KLHDC1: variants seen among roughly 807,000 people sequenced by gnomAD.
The protein encoded by KLHDC1 is kelch domain containing 1, also known as kelch domain-containing protein 1.
In KLHDC1, 53 loss-of-function variants were observed where a neutral mutation model predicts 68.3. That is an observed-to-expected ratio of 0.78 (90% CI 0.62 to 0.98). The LOEUF is 0.98. Ranked by LOEUF, KLHDC1 falls within the 50% of genes least tolerant of loss-of-function variation. The pLI is 0.00. For synonymous variants in KLHDC1, 148 were observed against 159.0 expected (o/e 0.93, Z 0.52); for missense variants, 470 against 492.3 (o/e 0.95, Z 0.43).
intron 11 of KLHDC1, 136 bp downstream of exon 11, chr14:49,740,318 A>G (rs1889029689): frequency 1.7e-6 from 1 of 579,820 alleles, no homozygotes; most frequent in South Asian, 2.2e-5. Flanking sequence ...GGTTTAATTA[A>G]TCTTCAGGAT....
chr14:49,696,720 A>C (rs1209736550), intron 1 of KLHDC1, among the ~76,000 whole-genome samples: 7 of 152,154 alleles, frequency 4.6e-5, no homozygotes, highest in Non-Finnish European at 1.5e-5. Context: ...CTCATTTTTC[A>C]TTAGAATAGC....
At chr14:49,737,277 A>G (rs926193347) in intron 10 of KLHDC1, among the ~76,000 whole-genome samples, 4 of 152,196 alleles carry the variant, frequency 2.6e-5, no homozygotes, top group South Asian at 4.1e-4. Context: ...AGAACTGGGC[A>G]GAGTATTTCC....
At chr14:49,697,685 TTTG>T (rs1227730611) in intron 1 of KLHDC1, among the ~76,000 whole-genome samples, 1 of 152,192 alleles carries the variant, frequency 6.6e-6, no homozygotes, top group African/African-American at 2.4e-5. Context: ...CAAGTTGGTT[TTTG>T]TTGTTGTTTT....
At chr14:49,749,626 C>G (rs1221945134) in intron 12 of KLHDC1, among the ~76,000 whole-genome samples, 2 of 144,698 alleles carry the variant, frequency 1.4e-5, no homozygotes, top group South Asian at 4.3e-4. Flanking sequence ...TGCAGTAAGC[C>G]GAGATCACAT....
intron 12 of KLHDC1, 152 bp from the exon 13 acceptor site, chr14:49,751,434 A>G (rs1191857555): frequency 2.6e-6 from 1 of 381,768 alleles, no homozygotes; most frequent in East Asian, 3.8e-5. Flanking sequence ...AAATATATGT[A>G]CCTACTATGT....
intron 1 of KLHDC1, among the ~76,000 whole-genome samples, chr14:49,697,318 G>A (rs1009368961): frequency 6.6e-6 from 1 of 152,174 alleles, no homozygotes; most frequent in African/African-American, 2.4e-5. Flanking sequence ...TTGGTCAGTG[G>A]AATAGTCTGA....
intron 9 of KLHDC1, 41 bp downstream of exon 9, chr14:49,732,857 C>A: frequency 2.1e-6 from 2 of 969,534 alleles, no homozygotes; most frequent in South Asian, 1.4e-5. Flanking sequence ...TTATCTCATT[C>A]TTTTTTCTTA....
rs34856234 is a variant in KLHDC1 at position 49,699,161 on chromosome 14, CAA to C, written c.96+5891_96+5892del. Reference sequence around the variant, plus strand: ...TCTGGGTGATAGAGCAAGACTGTCTCAAAAAAAAAAAAAAAAAAAAATCACAG... The same window carrying C: ...TCTGGGTGATAGAGCAAGACTGTCTCAAAAAAAAAAAAAAAAAAATCACAG... On this transcript the variant is annotated intron_variant, in intron 1 of 12. Coordinates refer to ENST00000359332, the MANE Select transcript of KLHDC1 (RefSeq NM_172193.3). Among the ~76,000 whole-genome samples the C allele has an allele frequency of 4.9e-3, 524 of 107,768 alleles. 1 individual carries two copies. Among genetic ancestry groups the C allele is most frequent in the African/African-American group, 0.013 (360 of 28,274 alleles). 70.7% of individuals were successfully genotyped at this position (107,768 alleles called of 152,430 possible). A position where few individuals can be genotyped will look rare whatever the true frequency, so the allele number is the denominator to read the frequency against.
intron 1 of KLHDC1, among the ~76,000 whole-genome samples, chr14:49,701,756 G>A (rs1231923443): frequency 2.0e-5 from 3 of 152,116 alleles, no homozygotes; most frequent in South Asian, 2.1e-4. Context: ...AACCAGGGTC[G>A]GGTGTGGTGG....
intron 12 of KLHDC1, among the ~76,000 whole-genome samples, chr14:49,746,492 A>C (rs1310118278): frequency 6.6e-6 from 1 of 152,154 alleles, no homozygotes; most frequent in East Asian, 1.9e-4. Flanking sequence ...AAAAACCAAG[A>C]GAAGGGAGAT....
chr14:49,744,999 C>T (rs1889167047), intron 12 of KLHDC1, among the ~76,000 whole-genome samples: 1 of 151,984 alleles, frequency 6.6e-6, no homozygotes, highest in South Asian at 2.1e-4. Flanking sequence ...GGAAGAAGCC[C>T]CTATTTCTAC....
At chr14:49,709,882 T>G in intron 3 of KLHDC1, 56 bp downstream of exon 3, 1 of 803,754 alleles carries the variant, frequency 1.2e-6, no homozygotes, top group Non-Finnish European at 2.0e-6. Flanking sequence ...ATGCATCATT[T>G]CATCTCACAA....
At chr14:49,720,266 G>A (rs900180457) in intron 4 of KLHDC1, among the ~76,000 whole-genome samples, 35 of 152,232 alleles carry the variant, frequency 2.3e-4, no homozygotes, top group Middle Eastern at 3.4e-3. Context: ...GATTACAGGC[G>A]TGAGCCACAG....
chr14:49,705,365 CTTTTTTTT>C (rs59444333), intron 1 of KLHDC1, among the ~76,000 whole-genome samples: 35 of 71,672 alleles, frequency 4.9e-4, no homozygotes, highest in African/African-American at 1.7e-3. Context: ...TTCTTTCTTT[CTTTTTTTT>C]TTTTTTTTTT....
intron 6 of KLHDC1, among the ~76,000 whole-genome samples, chr14:49,727,919 AATAC>A (rs894228230): frequency 1.4e-4 from 22 of 152,188 alleles, no homozygotes; most frequent in African/African-American, 5.3e-4. Context: ...TTGGAATTAA[AATAC>A]ATACATAAAG....
At chr14:49,744,307 TGTGTGTGTGTG>T (rs1889140603) in intron 12 of KLHDC1, among the ~76,000 whole-genome samples, 4 of 150,566 alleles carry the variant, frequency 2.7e-5, no homozygotes, top group Non-Finnish European at 5.9e-5. Context: ...TGTGTGTGTG[TGTGTGTGTGTG>T]TGTGTGTATG....
chr14:49,704,252 T>C (rs1387310282), intron 1 of KLHDC1, among the ~76,000 whole-genome samples: 4 of 152,168 alleles, frequency 2.6e-5, no homozygotes, highest in African/African-American at 9.7e-5. Flanking sequence ...AAATGCTGGC[T>C]CATGTCTTTT....
Position 49,707,336 on chromosome 14 carries a change from T to C in KLHDC1, c.97-1823T>C, listed in dbSNP as rs1248318916. Reference sequence around the variant, plus strand: ...AGAGAGAGACATGGTAGACAAGATATTCTTTTTTTTTTTTTTTTTTTTTTT... The same window carrying C: ...AGAGAGAGACATGGTAGACAAGATACTCTTTTTTTTTTTTTTTTTTTTTTT... On this transcript the variant is annotated intron_variant, in intron 1 of 12. Coordinates refer to ENST00000359332, the MANE Select transcript of KLHDC1 (RefSeq NM_172193.3). Among the ~76,000 whole-genome samples, 2 of 146,418 alleles carry C rather than the reference T, an allele frequency of 1.4e-5. 1 individual carries two copies. Among genetic ancestry groups the C allele is most frequent in the South Asian group, 4.3e-4 (2 of 4,686 alleles).
In KLHDC1 at chr14:49,723,456, C is replaced by T. The variant is rs565428767; in HGVS notation, c.405-418C>T. The stretch of plus-strand genomic sequence containing the variant: ...CTGAGGCAGGAGGACTGCTTGAGCC[C>T]GGGAGGTGGAGGTTGCAGTGAGCTG... On this transcript the variant is annotated intron_variant, in intron 4 of 12. Coordinates refer to ENST00000359332, the MANE Select transcript of KLHDC1 (RefSeq NM_172193.3). Among the ~76,000 whole-genome samples the T allele has an allele frequency of 1.6e-4, 24 of 152,140 alleles. No individual in the cohort carries two copies. In the South Asian group the frequency reaches 3.9e-3, roughly 25 times the overall value.
Sources: gnomAD v4.1 joint callset for allele counts (sites outside exome capture counted in the v4.1 genomes callset) on GRCh38, gnomAD v4.1.1 for gene constraint, MANE v1.5 for transcripts, NCBI Gene and HGNC (gene_info 2026-07-23, HGNC 2026-07-21) for gene names.